Variants in ENO3 observed in about 807,000 individuals in gnomAD.
The protein encoded by ENO3 is beta-enolase.
Under a neutral mutation model 47.7 loss-of-function variants are expected in ENO3, and 46 were observed. The ratio of observed to expected loss-of-function variants is 0.96; its 90% CI spans 0.76 to 1.23. The LOEUF (loss-of-function observed/expected upper bound fraction) is 1.23, where lower values mean the gene tolerates loss of function less well. ENO3 is among the 50% of genes most tolerant of loss of function. The pLI is 0.00. For missense variants in ENO3, 575 were observed against 566.2 expected (o/e 1.02, Z -0.16); for synonymous variants, 223 against 225.9 (o/e 0.99, Z 0.11).
intron 8 of ENO3, 153 bp from the exon 9 acceptor site, chr17:4,955,789 C>T: frequency 3.2e-6 from 4 of 1,244,384 alleles, no homozygotes; most frequent in South Asian, 1.2e-5. Context: ...CTAGCCGTGT[C>T]TCTGCCCTGT....
upstream of ENO3, among the ~76,000 whole-genome samples, chr17:4,949,789 C>G (rs1971487539): frequency 6.6e-6 from 1 of 152,160 alleles, no homozygotes; most frequent in Non-Finnish European, 1.5e-5. Flanking sequence ...GCATCCCTGG[C>G]GTCCACGCCG....
intron 8 of ENO3, 136 bp from the exon 9 acceptor site, chr17:4,955,806 C>T (rs796836227): frequency 3.8e-6 from 3 of 789,400 alleles, no homozygotes; most frequent in South Asian, 1.5e-5. Context: ...CTGTCTCTGC[C>T]TTGTCTCTGC....
In ENO3 at chr17:4,956,070, G is replaced by C; in HGVS notation, c.994G>C (p.Val332Leu). ...CAACCCCAAGAGGATTGCCCAGGCC[G>C]TTGAGAAGAAGGCCTGCAACTGTCT... The part of the protein sequence containing the change: ...VTNPKRIAQA[V>L]EKKACNCLLL... The change falls in exon 9 of 12, where the codon GTT (valine) becomes CTT (leucine). Residue 332 changes from valine (V) to leucine (L), a missense_variant. By Grantham distance (32) the Val-to-Leu change is conservative. Transcript: ENST00000519602. The C allele has an allele frequency of 6.2e-7, 1 of 1,614,046 alleles. No individual in the cohort carries two copies. Among genetic ancestry groups the C allele is most frequent in the Non-Finnish European group, 8.5e-7 (1 of 1,180,014 alleles).
At chr17:4,952,342 A>ATT in intron 2 of ENO3, 1 of 270,504 alleles carries the variant, frequency 3.7e-6, no homozygotes, top group South Asian at 2.8e-5. Context: ...ACGCCCAGCT[A>ATT]ATTTTTTTTT....
intron 6 of ENO3, among the ~76,000 whole-genome samples, chr17:4,954,451 T>G (rs113652486): frequency 3.9e-5 from 6 of 152,328 alleles, no homozygotes; most frequent in African/African-American, 1.4e-4. Context: ...GTTTTGAGAA[T>G]GAAATGGGCT....
At chr17:4,951,803 C>T (rs1971547403) in intron 1 of ENO3, 25 bp from the exon 2 acceptor site, 1 of 1,611,634 alleles carries the variant, frequency 6.2e-7, no homozygotes, top group African/African-American at 1.3e-5. Context: ...ACTGTCTACA[C>T]TCACTCACAC....
chr17:4,948,761 G>A (rs1322599477), upstream of ENO3: 9 of 265,196 alleles, frequency 3.4e-5, no homozygotes, highest in Non-Finnish European at 5.7e-5. Context: ...CGGGAGAGAG[G>A]TGAAGGGTAG....
Position 4,953,346 on chromosome 17 carries a change from G to C in ENO3, c.310+5G>C, listed in dbSNP as rs747956058. Reference sequence around the variant, plus strand: ...TAGATGGGACCGAGAATAAGTGTGAGTGAAGGGCTAGCGGTGGGGAAGGGA... The same window carrying C: ...TAGATGGGACCGAGAATAAGTGTGACTGAAGGGCTAGCGGTGGGGAAGGGA... On this transcript the variant is annotated splice_donor_5th_base_variant and intron_variant, in intron 5 of 11. Coordinates refer to ENST00000519602, the MANE Select transcript of ENO3 (RefSeq NM_053013.4). 1 of 1,614,248 alleles carries C rather than the reference G, an allele frequency of 6.2e-7. No individual in the cohort carries two copies. Among genetic ancestry groups the C allele is most frequent in the Non-Finnish European group, 8.5e-7 (1 of 1,180,040 alleles).
At chr17:4,954,075 A>G in intron 6 of ENO3, 1 of 649,892 alleles carries the variant, frequency 1.5e-6, no homozygotes, top group South Asian at 1.9e-5. Flanking sequence ...GTTCCTTCCC[A>G]TTCCAATCCT....
chr17:4,956,281 CTT>C, intron 9 of ENO3, 138 bp downstream of exon 9: 3 of 1,070,382 alleles, frequency 2.8e-6, no homozygotes, highest in Non-Finnish European at 4.2e-6. Flanking sequence ...GATCTCAAGA[CTT>C]TGTTTGACTA....
chr17:4,954,935 C>T (rs1024991127), intron 6 of ENO3, 140 bp from the exon 7 acceptor site: 1 of 640,110 alleles, frequency 1.6e-6, no homozygotes, highest in African/African-American at 1.9e-5. Flanking sequence ...AGGAAAGAGG[C>T]TCTTGAGCAA....
intron 5 of ENO3, 55 bp downstream of exon 5, chr17:4,953,396 G>A (rs1175773476): frequency 6.2e-7 from 1 of 1,609,818 alleles, no homozygotes; most frequent in Non-Finnish European, 8.5e-7. Flanking sequence ...GATGGCGAGA[G>A]GCCATGGGGT....
At chr17:4,951,993 T>C (rs757235417) in intron 2 of ENO3, 79 bp downstream of exon 2, 4 of 1,465,480 alleles carry the variant, frequency 2.7e-6, no homozygotes, top group African/African-American at 2.8e-5. Context: ...CTGTGCCATA[T>C]CCTCTCCTTT....
chr17:4,955,572 AG>A lies in ENO3; in HGVS notation c.834del (p.Glu278AspfsTer34), dbSNP rs779920188. 7 of 1,614,198 alleles carry A rather than the reference AG, an allele frequency of 4.3e-6. No homozygotes were observed. The highest frequency in any genetic ancestry group is 5.9e-6 in the Non-Finnish European group (7 of 1,180,026). ...ARHITGEKLG[E>X]LYKSFIKNYP... Reference sequence around the variant, plus strand: ...CACATCACTGGGGAGAAGCTCGGAGAGCTGTATAAGAGCTTTATCAAGAACT... The same window carrying A: ...CACATCACTGGGGAGAAGCTCGGAGACTGTATAAGAGCTTTATCAAGAACT... On this transcript the variant is annotated frameshift_variant, in exon 8 of 12. Coordinates refer to ENST00000519602, the MANE Select transcript of ENO3 (RefSeq NM_053013.4). LOFTEE classifies it high-confidence loss of function.
intron 3 of ENO3, 72 bp downstream of exon 3, chr17:4,952,962 C>A: frequency 6.2e-7 from 1 of 1,610,558 alleles, no homozygotes; most frequent in Admixed American, 1.7e-5. Flanking sequence ...GGGTAGAGGA[C>A]TGGAACCCCC....
chr17:4,956,947 T>A (rs778878581), intron 11 of ENO3, 31 bp from the exon 12 acceptor site: 1 of 1,614,150 alleles, frequency 6.2e-7, no homozygotes. Context: ...AGGTTGGAAG[T>A]TCAGCAGCCC....
chr17:4,949,871 C>T (rs986228051), upstream of ENO3, among the ~76,000 whole-genome samples: 8 of 152,116 alleles, frequency 5.3e-5, no homozygotes, highest in Non-Finnish European at 8.8e-5. Context: ...CTGGCGGGCT[C>T]GGGCGGGGCC....
At chr17:4,951,203 C>A in intron 1 of ENO3, 21 bp downstream of exon 1, 8 of 991,492 alleles carry the variant, frequency 8.1e-6, no homozygotes, top group Non-Finnish European at 9.6e-6. Flanking sequence ...TCTTCCAGCC[C>A]TGGGGGTGGA....
rs985874523 is a variant in ENO3, at chr17:4,955,068, A to G, written c.445-7A>G. The G allele has an allele frequency of 8.9e-6, 14 of 1,570,218 alleles. No individual in the cohort carries two copies. The highest frequency in any genetic ancestry group is 4.1e-5 in the African/African-American group (3 of 73,526). On this transcript the variant is annotated splice_region_variant and splice_polypyrimidine_tract_variant and intron_variant, in intron 6 of 11. Coordinates refer to ENST00000519602, the MANE Select transcript of ENO3 (RefSeq NM_053013.4). ...GCCCAGGTCCAGACACCCTCTCCCC[A>G]TCTCAGGCCTTCAATGTGATCAACG...
Sources: gnomAD v4.1 joint callset for allele counts (sites outside exome capture counted in the v4.1 genomes callset) on GRCh38, gnomAD v4.1.1 for gene constraint, MANE v1.5 for transcripts, NCBI Gene and HGNC (gene_info 2026-07-23, HGNC 2026-07-21) for gene names.